Variants in PPP1R12A observed in about 807,000 individuals in gnomAD.
PPP1R12A encodes protein phosphatase 1 regulatory subunit 12A.
PPP1R12A carries 19 observed loss-of-function variants against 139.6 expected under a neutral mutation model. The ratio of observed to expected loss-of-function variants is 0.14; its 90% CI spans 0.09 to 0.20. The LOEUF (loss-of-function observed/expected upper bound fraction) is 0.20, where lower values mean the gene tolerates loss of function less well. Ranked by LOEUF, PPP1R12A falls within the 10% of genes least tolerant of loss-of-function variation. The pLI, the probability that PPP1R12A is intolerant of heterozygous loss-of-function variation, is 1.00. For synonymous variants in PPP1R12A, 427 were observed against 420.6 expected, an observed-to-expected ratio of 1.02 and a Z score of -0.19; for missense variants, 925 against 1,211.5, an observed-to-expected ratio of 0.76 and a Z score of 3.51.
chr12:79,777,761 G>T, intron 24 of PPP1R12A: 2 of 554,906 alleles, frequency 3.6e-6, no homozygotes, highest in Non-Finnish European at 2.3e-6. Context: ...CGTCTTAAAG[G>T]AACAAGAGAT....
intron 6 of PPP1R12A, 96 bp downstream of exon 6, chr12:79,822,020 A>G (rs1876178450): frequency 2.2e-6 from 2 of 917,046 alleles, no homozygotes; most frequent in South Asian, 1.7e-5. Context: ...CTTAAAACCA[A>G]AAAGTACAAA....
At chr12:79,841,730 G>A (rs1878734876) in intron 3 of PPP1R12A, among the ~76,000 whole-genome samples, 1 of 152,134 alleles carries the variant, frequency 6.6e-6, no homozygotes, top group African/African-American at 2.4e-5. Flanking sequence ...TGTTATCTGA[G>A]CACTCATCAC....
intron 5 of PPP1R12A, 48 bp from the exon 6 acceptor site, chr12:79,822,238 C>A (rs1459163628): frequency 4.8e-6 from 6 of 1,262,828 alleles, no homozygotes; most frequent in South Asian, 2.6e-5. Context: ...GTCAATAAAT[C>A]ATAAAATGCC....
chr12:79,910,636 A>G (rs908017771), intron 1 of PPP1R12A, among the ~76,000 whole-genome samples: 1 of 152,136 alleles, frequency 6.6e-6, no homozygotes. Context: ...TTCACTCCTT[A>G]AAGTTAATGC....
At chr12:79,935,099 G>A, upstream of PPP1R12A, 1 of 1,367,822 alleles carries the variant, frequency 7.3e-7, no homozygotes, top group Non-Finnish European at 9.4e-7. Context: ...CAGAGCACTG[G>A]GGCGGCGCAC....
intron 1 of PPP1R12A, among the ~76,000 whole-genome samples, chr12:79,933,900 T>A (rs746562251): frequency 6.6e-6 from 1 of 151,772 alleles, no homozygotes; most frequent in Non-Finnish European, 1.5e-5. Context: ...TTGAAAAGAG[T>A]GTCCCCTATT....
intron 20 of PPP1R12A, chr12:79,789,764 T>C (rs1871580867): frequency 7.8e-6 from 3 of 383,216 alleles, no homozygotes; most frequent in Admixed American, 7.7e-5. Flanking sequence ...TGGATAATTT[T>C]GAATTAGGTG....
At chr12:79,914,352 A>G (rs1187695154) in intron 1 of PPP1R12A, among the ~76,000 whole-genome samples, 4 of 152,030 alleles carry the variant, frequency 2.6e-5, no homozygotes, top group African/African-American at 9.7e-5. Flanking sequence ...ATAATATAAT[A>G]TAATCAGAAT....
chr12:79,935,143 G>C, upstream of PPP1R12A: 1 of 1,333,702 alleles, frequency 7.5e-7, no homozygotes, highest in Non-Finnish European at 9.6e-7. Context: ...TACCACAGAA[G>C]CCCTCCCGCC....
chr12:79,897,502 T>C (rs761775170), intron 1 of PPP1R12A, among the ~76,000 whole-genome samples: 1 of 152,008 alleles, frequency 6.6e-6, no homozygotes, highest in Non-Finnish European at 1.5e-5. Context: ...AACCTGCACA[T>C]GTACCCTCTA....
rs1485266776 is a variant in PPP1R12A at position 79,778,540 on chromosome 12, G to A, written c.3006+10C>T. 1.3e-6 allele frequency: 2 copies of A among 1,500,602 alleles called. No homozygotes were observed. Among genetic ancestry groups the A allele is most frequent in the Admixed American group, 2.1e-5 (1 of 48,724 alleles). 93.0% of individuals were successfully genotyped at this position (1,500,602 alleles called of 1,614,324 possible). ...AGCACTCTCTCTCATAAGTAACATA[G>A]TTTACTTACTTTGAGCTCTTCTTCC... is the stretch of plus-strand genomic sequence containing the variant. On this transcript the variant is annotated intron_variant, in intron 24 of 24. Coordinates refer to ENST00000450142, the MANE Select transcript of PPP1R12A (RefSeq NM_002480.3).
At chr12:79,881,138 T>TAGACC (rs1371337013) in intron 1 of PPP1R12A, among the ~76,000 whole-genome samples, 15 of 152,142 alleles carry the variant, frequency 9.9e-5, no homozygotes, top group African/African-American at 3.6e-4. Context: ...ATATTAAAAT[T>TAGACC]AGACCAATGA....
At chr12:79,921,668 T>C (rs1486147984) in intron 1 of PPP1R12A, among the ~76,000 whole-genome samples, 1 of 152,188 alleles carries the variant, frequency 6.6e-6, no homozygotes, top group Non-Finnish European at 1.5e-5. Context: ...GGGACCACTG[T>C]TTTTAGAGAT....
chr12:79,868,166 T>G (rs1483104864), intron 2 of PPP1R12A, among the ~76,000 whole-genome samples: 1 of 152,242 alleles, frequency 6.6e-6, no homozygotes, highest in Admixed American at 6.5e-5. Flanking sequence ...GTCAGAGAAC[T>G]TGGTTTTCAA....
chr12:79,880,779 A>AT (rs1014741879), intron 1 of PPP1R12A, among the ~76,000 whole-genome samples: 1 of 149,892 alleles, frequency 6.7e-6, no homozygotes, highest in Non-Finnish European at 1.5e-5. Context: ...TGGATACTGC[A>AT]TTTTTTTGTT....
chr12:79,851,458 T>A (rs1223941939), intron 2 of PPP1R12A, among the ~76,000 whole-genome samples: 1 of 152,200 alleles, frequency 6.6e-6, no homozygotes. Context: ...TATCAGTACT[T>A]AACAAATGTG....
intron 1 of PPP1R12A, among the ~76,000 whole-genome samples, chr12:79,888,347 A>T (rs1192419655): frequency 6.6e-6 from 1 of 152,198 alleles, no homozygotes; most frequent in Non-Finnish European, 1.5e-5. Context: ...TGTAAAATAC[A>T]TTAGATTGTG....
intron 2 of PPP1R12A, among the ~76,000 whole-genome samples, chr12:79,871,720 A>G (rs1162724088): frequency 1.3e-5 from 2 of 152,152 alleles, no homozygotes; most frequent in Non-Finnish European, 2.9e-5. Context: ...GAAGAGATCT[A>G]AGTCTTCTGT....
chr12:79,782,542 A>T, intron 22 of PPP1R12A: 2 of 454,594 alleles, frequency 4.4e-6, no homozygotes, highest in Non-Finnish European at 8.8e-6. Context: ...GCTTTAAGGG[A>T]TGGAAAAGCA....
Sources: gnomAD v4.1 joint callset for allele counts (sites outside exome capture counted in the v4.1 genomes callset) on GRCh38, gnomAD v4.1.1 for gene constraint, MANE v1.5 for transcripts, NCBI Gene and HGNC (gene_info 2026-07-23, HGNC 2026-07-21) for gene names.